YLPM1: variants seen among roughly 807,000 people sequenced by gnomAD.
The protein encoded by YLPM1 is YLP motif containing 1, also known as YLP motif-containing protein 1.
Under a neutral mutation model 230.0 loss-of-function variants are expected in YLPM1, and 99 were observed. The observed-to-expected ratio is 0.43, with a 90% CI of 0.37 to 0.51. The LOEUF is 0.51. Ranked by LOEUF, YLPM1 falls within the 20% of genes least tolerant of loss-of-function variation. YLPM1 has a pLI of 0.00. For synonymous variants in YLPM1, 984 were observed against 942.5 expected, an observed-to-expected ratio of 1.04 and a Z score of -0.81; for missense variants, 2,592 against 2,707.7, an observed-to-expected ratio of 0.96 and a Z score of 0.95.
At chr14:74,808,255 ATCTT>A (rs2091398332) in intron 6 of YLPM1, among the ~76,000 whole-genome samples, 2 of 152,094 alleles carry the variant, frequency 1.3e-5, no homozygotes, top group Admixed American at 1.3e-4. Context: ...TTTTGTGTCT[ATCTT>A]CTTTTCAAAG....
In YLPM1 at chr14:74,828,125, G is replaced by A. The variant is rs773512614; in HGVS notation, c.6164-1088G>A. On this transcript the variant is annotated intron_variant, in intron 18 of 20. Coordinates refer to ENST00000325680, the MANE Select transcript of YLPM1 (RefSeq NM_019589.3). ...TGTGTAAAACTTTTATATTTGAAAC[G>A]TAAACTCACCCTTTCTGCCACTGCT... The A allele has an allele frequency of 2.6e-4, 135 of 517,742 alleles. 1 individual carries two copies. Among genetic ancestry groups the A allele is most frequent in the Non-Finnish European group, 3.2e-4 (129 of 402,638 alleles). The allele number at this position is 517,742 out of a possible 1,614,324, so 32.1% of individuals were successfully genotyped here.
rs1430753610 is a variant in YLPM1, at chr14:74,797,774, C to T, written c.2477C>T (p.Thr826Ile). The T allele has an allele frequency of 2.5e-6, 4 of 1,613,754 alleles. No homozygotes were observed. Among genetic ancestry groups the T allele is most frequent in the African/African-American group, 1.3e-5 (1 of 74,900 alleles). Residue 826 changes from threonine (T) to isoleucine (I), a missense_variant, in exon 5 of 21, where the codon ACA becomes ATA. This residue lies in a region of YLPM1 where 1,862 missense variants were observed against 1,819.8 expected (regional missense o/e 1.02). Coordinates refer to ENST00000325680, the MANE Select transcript of YLPM1 (RefSeq NM_019589.3). ...TCTCAATTTTATATTACCCCCAGTA[C>T]ATCCCTAAGTCCTCGACAGAGTGGA... Reference protein sequence around the residue: ...PASQFYITPSTSLSPRQSGPQ... With the variant: ...PASQFYITPSISLSPRQSGPQ...
chr14:74,791,224 T>C (rs1361276061), intron 4 of YLPM1, among the ~76,000 whole-genome samples: 1 of 152,126 alleles, frequency 6.6e-6, no homozygotes, highest in Admixed American at 6.5e-5. Flanking sequence ...GCTAGGATCA[T>C]GCCACTTCAT....
intron 1 of YLPM1, among the ~76,000 whole-genome samples, chr14:74,767,654 G>A (rs2090926405): frequency 6.6e-6 from 1 of 152,180 alleles, no homozygotes; most frequent in African/African-American, 2.4e-5. Flanking sequence ...ATTACCCTCT[G>A]TTGAGAACCC....
intron 19 of YLPM1, 193 bp from the exon 20 acceptor site, chr14:74,835,072 T>C: frequency 1.6e-6 from 1 of 627,704 alleles, no homozygotes; most frequent in Admixed American, 3.3e-5. Context: ...GGTTAGGACT[T>C]GGATTGTCCA....
At chr14:74,794,837 G>T (rs2091244045) in intron 4 of YLPM1, among the ~76,000 whole-genome samples, 1 of 151,982 alleles carries the variant, frequency 6.6e-6, no homozygotes, top group Non-Finnish European at 1.5e-5. Flanking sequence ...TGTAACTATT[G>T]TAGTCCATAT....
chr14:74,816,277 G>T lies in YLPM1; in HGVS notation c.5565+12G>T. The T allele has an allele frequency of 1.2e-6, 2 of 1,609,358 alleles. No individual in the cohort carries two copies. The highest frequency in any genetic ancestry group is 1.7e-6 in the Non-Finnish European group (2 of 1,177,842). ...CAAAACTTATTCGAGTGAGTATGGG[G>T]AAGCTGAAAAATCAGCTGCTTGTGC... On this transcript the variant is annotated intron_variant, in intron 12 of 20. Transcript: ENST00000325680.
rs924695336 is a variant in YLPM1 at position 74,799,407 on chromosome 14, G to A, written c.4110G>A (p.Glu1370=). 1.9e-6 allele frequency: 3 copies of A among 1,613,906 alleles called. No homozygotes were observed. The highest frequency in any genetic ancestry group is 2.2e-5 in the East Asian group (1 of 44,900). ...GYDRDFRDRG[E]LRIREYPERG... The stretch of plus-strand genomic sequence containing the variant: ...ATCGAGATTTCCGTGATAGGGGTGA[G>A]TTGAGGATTCGAGAGTATCCAGAAA... The change falls in exon 5 of 21, where the codon GAG becomes GAA. Residue 1370 remains glutamate (E), a synonymous_variant. Transcript: ENST00000325680.
rs184072357 is a variant in YLPM1, at chr14:74,806,734, A to G, written c.4522-2646A>G. ...CTAGTGAACATGAATATTTTCCCATATTTGTTAATTATACTTTCCTCTTAC... is the reference window on the plus strand; with the variant it reads ...CTAGTGAACATGAATATTTTCCCATGTTTGTTAATTATACTTTCCTCTTAC... On this transcript the variant is annotated intron_variant, in intron 6 of 20. Transcript: ENST00000325680. Among the ~76,000 whole-genome samples, 259 of 151,602 alleles carry G rather than the reference A, an allele frequency of 1.7e-3. 3 individuals carry two copies. The highest frequency in any genetic ancestry group is 0.014 in the Middle Eastern group (4 of 292).
At chr14:74,801,263 A>G (rs988984708) in intron 5 of YLPM1, among the ~76,000 whole-genome samples, 3 of 152,180 alleles carry the variant, frequency 2.0e-5, no homozygotes, top group Non-Finnish European at 4.4e-5. Flanking sequence ...ATGTTGTGTC[A>G]GTGTAAAGTC....
chr14:74,781,291 T>A, intron 3 of YLPM1, 43 bp from the exon 4 acceptor site: 1 of 1,466,952 alleles, frequency 6.8e-7, no homozygotes, highest in Non-Finnish European at 9.0e-7. Flanking sequence ...ATTAATTATC[T>A]TATATGAATG....
In YLPM1 at chr14:74,817,083, T is replaced by G. The variant is rs755898417; in HGVS notation, c.5838T>G (p.Ser1946Arg). 6.2e-7 allele frequency: 1 copy of G among 1,603,846 alleles called. No individual in the cohort carries two copies. The highest frequency in any genetic ancestry group is 1.1e-5 in the South Asian group (1 of 88,904). The change falls in exon 14 of 21, where the codon AGT (serine) becomes AGG (arginine). Residue 1946 changes from serine (S) to arginine (R), a missense_variant. By Grantham distance (110) the Ser-to-Arg change is moderately radical. This residue lies in a region of YLPM1 where 315 missense variants were observed against 429.3 expected (regional missense o/e 0.73). Coordinates refer to ENST00000325680, the MANE Select transcript of YLPM1 (RefSeq NM_019589.3). ...TTAGGCATTTTGACCAGTTTTGGAG[T>G]GCAGCAAAAACCAAGGGATTTGAGG... is the stretch of plus-strand genomic sequence containing the variant. ...DRVRHFDQFW[S>R]AAKTKGFEVY...
chr14:74,820,229 G>A (rs1342338538), intron 16 of YLPM1, among the ~76,000 whole-genome samples: 2 of 152,016 alleles, frequency 1.3e-5, no homozygotes, highest in Admixed American at 1.3e-4. Flanking sequence ...TGCTGAAACC[G>A]GTGCTCTGGG....
At chr14:74,801,093 T>G (rs757642456) in intron 5 of YLPM1, among the ~76,000 whole-genome samples, 8 of 152,214 alleles carry the variant, frequency 5.3e-5, no homozygotes, top group Non-Finnish European at 1.0e-4. Context: ...TTTTTTCCTT[T>G]TTAAATTTCT....
At chr14:74,783,311 C>T (rs181908289) in intron 4 of YLPM1, among the ~76,000 whole-genome samples, 201 of 152,248 alleles carry the variant, frequency 1.3e-3, no homozygotes, top group Middle Eastern at 3.4e-3. Context: ...TCAAGCGATC[C>T]TCCTGCCTTG....
chr14:74,780,381 A>G, intron 2 of YLPM1, 24 bp from the exon 3 acceptor site: 1 of 1,582,606 alleles, frequency 6.3e-7, no homozygotes, highest in Non-Finnish European at 8.6e-7. Context: ...ACTTACATAA[A>G]GATGTGTCCT....
At chr14:74,778,227 G>A (rs996808911) in intron 1 of YLPM1, among the ~76,000 whole-genome samples, 1 of 152,178 alleles carries the variant, frequency 6.6e-6, no homozygotes, top group Non-Finnish European at 1.5e-5. Flanking sequence ...GAATTAATAT[G>A]TATGGTTTAA....
At chr14:74,814,249 T>A (rs548218560) in intron 11 of YLPM1, among the ~76,000 whole-genome samples, 74 of 152,250 alleles carry the variant, frequency 4.9e-4, no homozygotes, top group Middle Eastern at 6.8e-3. Flanking sequence ...TAGTCCCAGC[T>A]ACTCAGGAGG....
At chr14:74,817,317 C>CA in intron 15 of YLPM1, 40 bp downstream of exon 15, 1 of 1,522,208 alleles carries the variant, frequency 6.6e-7, no homozygotes, top group Non-Finnish European at 8.9e-7. Context: ...TACTATCATG[C>CA]GCTGCATAAT....
Sources: gnomAD v4.1 joint callset for allele counts (sites outside exome capture counted in the v4.1 genomes callset) on GRCh38, gnomAD v4.1.1 for gene constraint, gnomAD v4.1.1 regional missense constraint, MANE v1.5 for transcripts, NCBI Gene and HGNC (gene_info 2026-07-23, HGNC 2026-07-21) for gene names.